CSMD3: variants seen among roughly 807,000 people sequenced by gnomAD.
CSMD3 encodes CUB and Sushi multiple domains 3.
CSMD3 carries 177 observed loss-of-function variants against 435.2 expected under a neutral mutation model. That is an observed-to-expected ratio of 0.41 (90% CI 0.36 to 0.46). CSMD3 has a LOEUF of 0.46. CSMD3 is among the 20% of genes least tolerant of loss of function. CSMD3 has a pLI of 0.34. For synonymous variants in CSMD3, 1,656 were observed against 1,520.5 expected, an observed-to-expected ratio of 1.09 and a Z score of -2.07; for missense variants, 4,265 against 4,504.6, an observed-to-expected ratio of 0.95 and a Z score of 1.52.
At chr8:112,381,620 G>A (rs1447652383) in intron 37 of CSMD3, among the ~76,000 whole-genome samples, 1 of 152,150 alleles carries the variant, frequency 6.6e-6, no homozygotes, top group Non-Finnish European at 1.5e-5. Flanking sequence ...AGAACAGAAA[G>A]AATTTATTAC....
At chr8:112,910,717 C>G (rs185538317) in intron 10 of CSMD3, among the ~76,000 whole-genome samples, 2 of 151,798 alleles carry the variant, frequency 1.3e-5, no homozygotes, top group Non-Finnish European at 2.9e-5. Flanking sequence ...TGTCCTTTTC[C>G]GTCTACAAAC....
chr8:112,633,016 T>C (rs2074559745), intron 22 of CSMD3, among the ~76,000 whole-genome samples: 1 of 152,022 alleles, frequency 6.6e-6, no homozygotes, highest in Non-Finnish European at 1.5e-5. Flanking sequence ...TACAGATACA[T>C]AAATATCTAT....
intron 27 of CSMD3, among the ~76,000 whole-genome samples, chr8:112,519,535 T>A (rs1824058487): frequency 6.6e-6 from 1 of 152,200 alleles, no homozygotes. Flanking sequence ...AGATGTAGAC[T>A]GTACTCCTTA....
At chr8:112,444,847 CTG>C (rs1408931334) in intron 32 of CSMD3, among the ~76,000 whole-genome samples, 3 of 152,106 alleles carry the variant, frequency 2.0e-5, no homozygotes, top group Non-Finnish European at 4.4e-5. Flanking sequence ...CTTAAGATCA[CTG>C]TATTTCATTA....
At chr8:113,284,525 A>G (rs1372582258) in intron 2 of CSMD3, among the ~76,000 whole-genome samples, 2 of 152,182 alleles carry the variant, frequency 1.3e-5, no homozygotes, top group African/African-American at 4.8e-5. Flanking sequence ...TTTAAGATAA[A>G]TATCTCATGC....
At chr8:112,250,481 A>G (rs1815164247) in intron 63 of CSMD3, among the ~76,000 whole-genome samples, 1 of 151,590 alleles carries the variant, frequency 6.6e-6, no homozygotes, top group Non-Finnish European at 1.5e-5. Flanking sequence ...CAGTGCATTA[A>G]TAAATAATTT....
At chr8:113,167,011 G>T (rs567233244) in intron 4 of CSMD3, among the ~76,000 whole-genome samples, 14 of 152,000 alleles carry the variant, frequency 9.2e-5, no homozygotes, top group African/African-American at 3.1e-4. Context: ...GAAAACTGAG[G>T]TCTAAAAAAT....
At chr8:112,239,870 G>A (rs935707878) in intron 66 of CSMD3, among the ~76,000 whole-genome samples, 1 of 151,874 alleles carries the variant, frequency 6.6e-6, no homozygotes, top group South Asian at 2.1e-4. Context: ...GTTTTGGGCG[G>A]TTGCCTGTTT....
chr8:112,530,951 T>C (rs2131071470), intron 27 of CSMD3, among the ~76,000 whole-genome samples: 1 of 152,298 alleles, frequency 6.6e-6, no homozygotes, highest in South Asian at 2.1e-4. Flanking sequence ...ACCATGGTCT[T>C]TGGGTGAGCC....
chr8:113,399,973 T>C (rs940985269), intron 1 of CSMD3, among the ~76,000 whole-genome samples: 1 of 151,862 alleles, frequency 6.6e-6, no homozygotes, highest in African/African-American at 2.4e-5. Flanking sequence ...TGTATACATA[T>C]ATATCACTTT....
chr8:112,676,581 G>A (rs1334824807), intron 16 of CSMD3, among the ~76,000 whole-genome samples: 1 of 152,026 alleles, frequency 6.6e-6, no homozygotes, highest in Non-Finnish European at 1.5e-5. Flanking sequence ...ATACATTAAT[G>A]CATCTTTCAT....
chr8:113,014,135 A>G (rs2086363300), intron 6 of CSMD3, among the ~76,000 whole-genome samples: 1 of 152,086 alleles, frequency 6.6e-6, no homozygotes, highest in Non-Finnish European at 1.5e-5. Context: ...TGGAGCCAAC[A>G]ATTGTGGCCA....
intron 10 of CSMD3, among the ~76,000 whole-genome samples, chr8:112,878,746 T>C (rs1276121644): frequency 1.3e-5 from 2 of 152,110 alleles, no homozygotes; most frequent in African/African-American, 2.4e-5. Context: ...AGAAAAAGAA[T>C]GAGTTCATGT....
intron 22 of CSMD3, among the ~76,000 whole-genome samples, chr8:112,609,201 C>CAAAAAAAAAAAAAAAAAAAAAA (rs71566035): frequency 1.2e-4 from 5 of 43,106 alleles, no homozygotes; most frequent in African/African-American, 1.9e-4. Flanking sequence ...GATACTGCCT[C>CAAAAAAAAAAAAAAAAAAAAAA]AAAAAAAAAA....
intron 3 of CSMD3, among the ~76,000 whole-genome samples, chr8:113,213,196 G>T (rs2092859979): frequency 6.6e-6 from 1 of 152,036 alleles, no homozygotes; most frequent in African/African-American, 2.4e-5. Context: ...TAGAATGTGG[G>T]ATTTCATGTG....
intron 2 of CSMD3, among the ~76,000 whole-genome samples, chr8:113,307,314 A>G (rs2093829317): frequency 6.6e-6 from 1 of 152,154 alleles, no homozygotes; most frequent in South Asian, 2.1e-4. Context: ...AGGATTCCTT[A>G]AAATGTACAC....
At chr8:112,422,377 C>A (rs1205450084) in intron 32 of CSMD3, among the ~76,000 whole-genome samples, 1 of 152,112 alleles carries the variant, frequency 6.6e-6, no homozygotes, top group African/African-American at 2.4e-5. Flanking sequence ...AATAAGGTGA[C>A]ATATTCTGCA....
At chr8:113,032,824 G>C (rs1270764757) in intron 5 of CSMD3, among the ~76,000 whole-genome samples, 1 of 151,506 alleles carries the variant, frequency 6.6e-6, no homozygotes, top group Non-Finnish European at 1.5e-5. Context: ...AGGCCTAGGA[G>C]GAAAAAATGG....
chr8:112,601,105 A>C (rs1369685886), intron 22 of CSMD3, among the ~76,000 whole-genome samples: 1 of 152,086 alleles, frequency 6.6e-6, no homozygotes, highest in Non-Finnish European at 1.5e-5. Flanking sequence ...AATTGCTGAA[A>C]ACAAGAACAA....
Sources: gnomAD v4.1 joint callset for allele counts (sites outside exome capture counted in the v4.1 genomes callset) on GRCh38, gnomAD v4.1.1 for gene constraint, MANE v1.5 for transcripts, NCBI Gene and HGNC (gene_info 2026-07-23, HGNC 2026-07-21) for gene names.